MYLK: variants seen among roughly 807,000 people sequenced by gnomAD.
The protein encoded by MYLK is myosin light chain kinase, smooth muscle.
MYLK carries 106 observed loss-of-function variants against 203.4 expected under a neutral mutation model. The observed-to-expected ratio is 0.52, with a 90% CI of 0.45 to 0.61. The LOEUF is 0.61. MYLK is among the 20% of genes least tolerant of loss of function. The pLI is 0.00. For missense variants in MYLK, 2,072 were observed against 2,442.3 expected (o/e 0.85, Z 3.20); for synonymous variants, 867 against 959.5 (o/e 0.90, Z 1.78).
rs531570326 is a variant in MYLK, at chr3:123,720,030, C to G, written c.1804+2098G>C. ...GAGCCCAAATGCTGCCGGGCCTGAG[C>G]GTGCGGCTGCGTCTTCAGCCTTGTT... On this transcript the variant is annotated intron_variant, in intron 13 of 33. Coordinates refer to ENST00000360304, the MANE Select transcript of MYLK (RefSeq NM_053025.4). 4.6e-5 allele frequency among the ~76,000 whole-genome samples: 7 copies of G among 152,100 alleles called. No individual in the cohort carries two copies. In the East Asian group the frequency reaches 1.3e-3, roughly 29 times the overall value.
intron 28 of MYLK, among the ~76,000 whole-genome samples, chr3:123,639,345 CTT>C (rs1482761585): frequency 6.6e-6 from 1 of 152,230 alleles, no homozygotes; most frequent in Non-Finnish European, 1.5e-5. Context: ...CCCCTTTCCT[CTT>C]TATGACCAAC....
chr3:123,708,061 C>T, intron 15 of MYLK, 58 bp from the exon 16 acceptor site: 1 of 1,607,746 alleles, frequency 6.2e-7, no homozygotes. Context: ...GCAGTGTCCA[C>T]TCAATTCTCC....
chr3:123,799,182 TACCCCTC>T (rs954997409), intron 3 of MYLK, among the ~76,000 whole-genome samples: 15 of 141,476 alleles, frequency 1.1e-4, no homozygotes, highest in African/African-American at 2.6e-4. Context: ...TTACCCCCCT[TACCCCTC>T]ACCCCTCACC....
At chr3:123,785,914 T>C (rs1395040162) in intron 4 of MYLK, among the ~76,000 whole-genome samples, 8 of 152,196 alleles carry the variant, frequency 5.3e-5, no homozygotes, top group South Asian at 4.1e-4. Context: ...AGGTATCCTA[T>C]TGGACAATGC....
At chr3:123,798,667 A>T (rs1030717435) in intron 3 of MYLK, among the ~76,000 whole-genome samples, 3 of 152,138 alleles carry the variant, frequency 2.0e-5, no homozygotes, top group African/African-American at 7.2e-5. Flanking sequence ...TAGAAAAGGA[A>T]CACGCAAATC....
intron 2 of MYLK, among the ~76,000 whole-genome samples, chr3:123,844,259 A>C (rs2066658517): frequency 6.6e-6 from 1 of 152,096 alleles, no homozygotes; most frequent in African/African-American, 2.4e-5. Context: ...GGGTAGGAGG[A>C]GCAGGAAGCC....
chr3:123,681,292 G>A (rs1027272147), intron 20 of MYLK: 20 of 152,198 alleles, frequency 1.3e-4, no homozygotes, highest in African/African-American at 3.1e-4. Context: ...CTATGGTCAC[G>A]GAGAGGCTCC....
intron 24 of MYLK, among the ~76,000 whole-genome samples, chr3:123,650,812 G>C (rs1487627345): frequency 1.3e-5 from 2 of 152,226 alleles, no homozygotes; most frequent in African/African-American, 4.8e-5. Context: ...AGCCAGGAAT[G>C]GAGTTAGTGT....
rs1399244370 is a variant in MYLK at position 123,700,861 on chromosome 3, C to T, written c.2607G>A (p.Val869=). 6.8e-5 allele frequency: 109 copies of T among 1,613,620 alleles called. No homozygotes were observed. Among genetic ancestry groups the T allele is most frequent in the Non-Finnish European group, 8.9e-5 (105 of 1,180,036 alleles). The part of the protein sequence containing the change: ...GWLEEEDGED[V]RGVLKRRVET... ...CCACGCGCCTCTTCAGCACCCCTCG[C>T]ACGTCCTCGCCGTCTTCCTCCTCTA... The change falls in exon 18 of 34, where the codon GTG becomes GTA. Residue 869 remains valine, a synonymous_variant. Coordinates refer to ENST00000360304, the MANE Select transcript of MYLK (RefSeq NM_053025.4).
chr3:123,682,151 G>A (rs2108454788), intron 20 of MYLK, 73 bp downstream of exon 20: 1 of 1,215,028 alleles, frequency 8.2e-7, no homozygotes, highest in South Asian at 1.3e-5. Context: ...TGGGGGCTCT[G>A]AGGCTGCCCT....
intron 4 of MYLK, among the ~76,000 whole-genome samples, chr3:123,764,610 C>T (rs895775911): frequency 4.6e-5 from 7 of 152,180 alleles, no homozygotes; most frequent in Middle Eastern, 3.2e-3. Context: ...TTGAGTACAA[C>T]GCTTTGCCCT....
chr3:123,844,637 G>C (rs1011823525), intron 2 of MYLK, among the ~76,000 whole-genome samples: 4 of 152,066 alleles, frequency 2.6e-5, no homozygotes, highest in Non-Finnish European at 5.9e-5. Context: ...GGAGGGGCAG[G>C]CATACATTCT....
chr3:123,834,572 G>C (rs1366462392), intron 2 of MYLK, among the ~76,000 whole-genome samples: 2 of 151,964 alleles, frequency 1.3e-5, no homozygotes, highest in Non-Finnish European at 2.9e-5. Context: ...AAGGGTTAGG[G>C]GGATTGAGGG....
At chr3:123,803,754 G>T (rs895266970) in intron 3 of MYLK, among the ~76,000 whole-genome samples, 2 of 152,204 alleles carry the variant, frequency 1.3e-5, no homozygotes, top group African/African-American at 4.8e-5. Flanking sequence ...AAATCAGGCA[G>T]GCACACCTGG....
In MYLK at chr3:123,644,271, G is replaced by C. The variant is rs187883335; in HGVS notation, c.4619+2953C>G. Among the ~76,000 whole-genome samples the C allele has an allele frequency of 7.2e-5, 11 of 152,238 alleles. No individual in the cohort carries two copies. In the East Asian group the frequency reaches 2.1e-3, roughly 29 times the overall value. On this transcript the variant is annotated intron_variant, in intron 27 of 33. Transcript: ENST00000360304. The stretch of plus-strand genomic sequence containing the variant: ...AGTGGTCAAGTCTTAGAGTGTTTAA[G>C]CTGGAAGGGATGTATAGATGGAGTA...
chr3:123,699,330 C>T (rs562892550), intron 18 of MYLK, among the ~76,000 whole-genome samples: 2 of 152,102 alleles, frequency 1.3e-5, no homozygotes, highest in Non-Finnish European at 2.9e-5. Flanking sequence ...GGATTTGGGG[C>T]CCCCCTCCTC....
intron 2 of MYLK, among the ~76,000 whole-genome samples, chr3:123,863,368 CAAA>C (rs35039876): frequency 3.3e-5 from 1 of 29,900 alleles, no homozygotes; most frequent in African/African-American, 1.1e-4. Flanking sequence ...ATAGCCTTGC[CAAA>C]AAAAAAAAAA....
chr3:123,699,126 C>A (rs1447982658), intron 18 of MYLK, among the ~76,000 whole-genome samples: 1 of 152,052 alleles, frequency 6.6e-6, no homozygotes, highest in Non-Finnish European at 1.5e-5. Flanking sequence ...GCAACCTATC[C>A]CTCCGCTGGC....
At position 123,701,502 on chromosome 3, in the gene MYLK, C is replaced by T. The variant is rs758697820; in HGVS notation, c.2398G>A (p.Val800Ile). The T allele has an allele frequency of 1.2e-6, 2 of 1,613,908 alleles. No homozygotes were observed. Among genetic ancestry groups the T allele is most frequent in the Non-Finnish European group, 1.7e-6 (2 of 1,179,994 alleles). The stretch of plus-strand genomic sequence containing the variant: ...GACACCTGGCAACTGCATTCGCCAA[C>T]CCGGTTCCTGAAGAATTCCAAAGAT... ...GQYEILLKNR[V>I]GECSCQVSLM... is the part of the protein sequence containing the mutation. The change falls in exon 17 of 34, where the codon GTT becomes ATT. Residue 800 changes from valine to isoleucine, a missense_variant. By Grantham distance (29) the Val-to-Ile change is conservative. Coordinates refer to ENST00000360304, the MANE Select transcript of MYLK (RefSeq NM_053025.4).
Sources: allele counts gnomAD v4.1 joint callset (sites outside exome capture counted in the v4.1 genomes callset), GRCh38; gene constraint gnomAD v4.1.1; transcripts MANE v1.5; gene names NCBI Gene and HGNC (gene_info 2026-07-23, HGNC 2026-07-21).